The following GNA12 variants were observed in gnomAD, a reference collection of about 807,000 sequenced individuals.
GNA12 encodes the protein G protein subunit alpha 12, also known as guanine nucleotide-binding protein subunit alpha-12.
In GNA12, 9 loss-of-function variants were observed where a neutral mutation model predicts 26.0. The ratio of observed to expected loss-of-function variants is 0.35; its 90% confidence interval spans 0.21 to 0.60. GNA12 has a LOEUF of 0.60. GNA12 is among the 20% of genes least tolerant of loss of function. The pLI is 0.78. For synonymous variants in GNA12, 264 were observed against 219.6 expected, an observed-to-expected ratio of 1.20 and a Z score of -1.79; for missense variants, 405 against 525.8, an observed-to-expected ratio of 0.77 and a Z score of 2.25.
chr7:2,762,346 A>G (rs1791600379), intron 2 of GNA12: 1 of 375,352 alleles, frequency 2.7e-6, no homozygotes, highest in East Asian at 4.3e-5. Context: ...CTGGACACAC[A>G]CGATCCCACC....
intron 2 of GNA12, among the ~76,000 whole-genome samples, chr7:2,787,118 G>C (rs990436465): frequency 1.3e-5 from 2 of 152,030 alleles, no homozygotes; most frequent in Non-Finnish European, 2.9e-5. Context: ...AACAACCCTG[G>C]GGCTCGCTCT....
At chr7:2,749,471 T>C (rs1295314691) in intron 2 of GNA12, among the ~76,000 whole-genome samples, 1 of 121,648 alleles carries the variant, frequency 8.2e-6, no homozygotes, top group African/African-American at 3.3e-5. Context: ...TGACAACACA[T>C]GGACACGGGA....
At chr7:2,802,241 A>C (rs944519972) in intron 1 of GNA12, among the ~76,000 whole-genome samples, 1 of 152,160 alleles carries the variant, frequency 6.6e-6, no homozygotes, top group Non-Finnish European at 1.5e-5. Context: ...ATAAACGGTT[A>C]AAGTCTCAAG....
intron 1 of GNA12, 146 bp from the exon 2 acceptor site, chr7:2,795,289 TTTG>T (rs1338008879): frequency 7.6e-6 from 5 of 658,252 alleles, no homozygotes; most frequent in Non-Finnish European, 2.6e-6. Context: ...TCTTGGTTTG[TTTG>T]TTGTGATGTG....
intron 1 of GNA12, among the ~76,000 whole-genome samples, chr7:2,841,160 T>C (rs1013637590): frequency 6.6e-6 from 1 of 152,212 alleles, no homozygotes; most frequent in African/African-American, 2.4e-5. Context: ...TTTTTCTTTT[T>C]CTTTTTTTTG....
chr7:2,842,023 G>GAAAA (rs1779003961), intron 1 of GNA12, among the ~76,000 whole-genome samples: 1 of 115,114 alleles, frequency 8.7e-6, no homozygotes, highest in Non-Finnish European at 2.0e-5. Context: ...GAGAAAGGAA[G>GAAAA]GGAGGAAGGA....
intron 1 of GNA12, among the ~76,000 whole-genome samples, chr7:2,823,939 C>T (rs752807485): frequency 2.6e-5 from 4 of 152,068 alleles, no homozygotes; most frequent in Non-Finnish European, 5.9e-5. Flanking sequence ...TAGAGAGAAA[C>T]GCTCATTACA....
intron 1 of GNA12, among the ~76,000 whole-genome samples, chr7:2,841,930 C>T (rs554936475): frequency 5.5e-4 from 83 of 150,840 alleles, no homozygotes; most frequent in African/African-American, 2.0e-3. Context: ...TGATTGTCCT[C>T]GCCTCTAACT....
intron 1 of GNA12, among the ~76,000 whole-genome samples, chr7:2,828,110 G>A (rs1411209059): frequency 6.6e-6 from 1 of 151,990 alleles, no homozygotes; most frequent in Non-Finnish European, 1.5e-5. Context: ...TGGTCTCCTT[G>A]GCAGATATTT....
chr7:2,824,831 A>C (rs1462572805), intron 1 of GNA12, among the ~76,000 whole-genome samples: 1 of 152,312 alleles, frequency 6.6e-6, no homozygotes, highest in East Asian at 1.9e-4. Flanking sequence ...GTGGCAGCAC[A>C]GCCATCACCT....
intron 2 of GNA12, among the ~76,000 whole-genome samples, chr7:2,780,074 AT>A (rs1792189266): frequency 6.0e-5 from 8 of 134,070 alleles, no homozygotes; most frequent in African/African-American, 2.0e-4. Flanking sequence ...ATATATATAT[AT>A]ATATATATAT....
rs766968121 is a variant in GNA12, at chr7:2,794,987, C to A, written c.466G>T (p.Ala156Ser). The stretch of plus-strand genomic sequence containing the variant: ...CTGATGCCAGAATCCCTCCAGAGTG[C>A]GCTCAGGGCCGGGACGTACAGCTGG... ...TFQLYVPALS[A>S]LWRDSGIREA... The change falls in exon 2 of 4, where the codon GCA (alanine) becomes TCA (serine). Residue 156 changes from alanine to serine, a missense_variant. Physicochemically the swap from Ala to Ser is moderately conservative, Grantham distance 99. Coordinates refer to ENST00000275364, the MANE Select transcript of GNA12 (RefSeq NM_007353.3). 3.1e-6 allele frequency: 5 copies of A among 1,614,184 alleles called. No individual in the cohort carries two copies. The highest frequency in any genetic ancestry group is 4.2e-6 in the Non-Finnish European group (5 of 1,180,022).
rs572247822 is a variant in GNA12, at chr7:2,762,688, G to A, written c.526-29187C>T. On this transcript the variant is annotated intron_variant, in intron 2 of 3. Transcript: ENST00000275364. ...GATAAATCATTTGGAAAGAAACCAC[G>A]CTGCCCGGGTGGAGGAGCGCCAGAG... The A allele has an allele frequency of 8.2e-5, 130 of 1,582,174 alleles. 3 individuals carry two copies. The South Asian group carries it at 1.4e-3, about 16-fold the overall frequency.
At chr7:2,808,957 T>C (rs1793013980) in intron 1 of GNA12, among the ~76,000 whole-genome samples, 1 of 152,158 alleles carries the variant, frequency 6.6e-6, no homozygotes, top group Non-Finnish European at 1.5e-5. Context: ...CTGAAACCCT[T>C]TGCCCCGGAT....
chr7:2,736,049 C>T (rs1265251595), intron 2 of GNA12, among the ~76,000 whole-genome samples: 2 of 152,270 alleles, frequency 1.3e-5, no homozygotes, highest in East Asian at 3.9e-4. Flanking sequence ...ACGGGACGAT[C>T]GTTTGCGACG....
intron 1 of GNA12, among the ~76,000 whole-genome samples, chr7:2,826,485 C>T (rs1793488477): frequency 1.3e-5 from 2 of 151,946 alleles, no homozygotes; most frequent in South Asian, 4.1e-4. Context: ...AAAGCCTGCA[C>T]ACAGGTGTTT....
chr7:2,755,872 T>G lies in GNA12; in HGVS notation c.526-22371A>C, dbSNP rs185141113. Among the ~76,000 whole-genome samples, 147 of 152,336 alleles carry G rather than the reference T, an allele frequency of 9.6e-4. 1 individual carries two copies. Among genetic ancestry groups the G allele is most frequent in the African/African-American group, 3.5e-3 (146 of 41,578 alleles). The stretch of plus-strand genomic sequence containing the variant: ...ATGTCATATTCATGAAATGGAAGAT[T>G]CAACATTGTTGTTTATGCTCCCCAA... On this transcript the variant is annotated intron_variant, in intron 2 of 3. Transcript: ENST00000275364.
chr7:2,736,827 C>T (rs1046441459), intron 2 of GNA12, among the ~76,000 whole-genome samples: 2 of 152,264 alleles, frequency 1.3e-5, no homozygotes, highest in South Asian at 2.1e-4. Context: ...TCTCTGCACA[C>T]AGCAAGCTGC....
chr7:2,822,085 C>T (rs1793382263), intron 1 of GNA12, among the ~76,000 whole-genome samples: 1 of 152,176 alleles, frequency 6.6e-6, no homozygotes, highest in South Asian at 2.1e-4. Context: ...CAGATTACCA[C>T]CAACATTTCT....
Sources: allele counts gnomAD v4.1 joint callset (sites outside exome capture counted in the v4.1 genomes callset), GRCh38; gene constraint gnomAD v4.1.1; transcripts MANE v1.5; gene names NCBI Gene and HGNC (gene_info 2026-07-23, HGNC 2026-07-21).